SEMA6D: variants seen among roughly 807,000 people sequenced by gnomAD.
The protein encoded by SEMA6D is semaphorin-6D.
A neutral mutation model predicts 106.6 loss-of-function variants in SEMA6D; 35 were observed. The observed-to-expected ratio is 0.33, with a 90% CI of 0.25 to 0.44. SEMA6D has a LOEUF of 0.44. Among genes scored for constraint, SEMA6D ranks in the 20% least tolerant of loss-of-function variants. The probability of loss-of-function intolerance (pLI) is 1.00; values close to 1 mark genes in which losing one functional copy is unlikely to be tolerated. For missense variants in SEMA6D, 1,185 were observed against 1,345.9 expected, an observed-to-expected ratio of 0.88 and a Z score of 1.87; for synonymous variants, 499 against 487.7, an observed-to-expected ratio of 1.02 and a Z score of -0.31.
intron 3 of SEMA6D, among the ~76,000 whole-genome samples, chr15:47,499,212 A>G (rs1045759558): frequency 6.6e-6 from 1 of 152,166 alleles, no homozygotes; most frequent in African/African-American, 2.4e-5. Context: ...GGGATGGAGA[A>G]CAAGACTGAG....
intron 1 of SEMA6D, among the ~76,000 whole-genome samples, chr15:47,253,836 G>A (rs537117390): frequency 5.3e-5 from 8 of 152,194 alleles, no homozygotes; most frequent in Non-Finnish European, 1.2e-4. Context: ...GCTATCCGAG[G>A]TCTTTTGTGC....
At chr15:47,570,223 C>T (rs2046345826) in intron 3 of SEMA6D, among the ~76,000 whole-genome samples, 2 of 152,160 alleles carry the variant, frequency 1.3e-5, no homozygotes, top group African/African-American at 2.4e-5. Flanking sequence ...TCTGACTGCC[C>T]CAGCAATCTT....
At chr15:47,632,203 G>A (rs2077305218) in intron 4 of SEMA6D, among the ~76,000 whole-genome samples, 1 of 151,922 alleles carries the variant, frequency 6.6e-6, no homozygotes, top group African/African-American at 2.4e-5. Flanking sequence ...AAATTGTTGA[G>A]GTTTATTTTA....
chr15:47,708,874 C>A (rs565433349), intron 4 of SEMA6D, among the ~76,000 whole-genome samples: 8 of 152,326 alleles, frequency 5.3e-5, no homozygotes, highest in African/African-American at 1.9e-4. Flanking sequence ...TTATAGTAAG[C>A]AAATTTCCCA....
intron 1 of SEMA6D, among the ~76,000 whole-genome samples, chr15:47,257,090 C>T (rs1486882981): frequency 6.8e-5 from 10 of 147,326 alleles, no homozygotes; most frequent in African/African-American, 2.0e-4. Context: ...CAGAGTCTCG[C>T]TCTGTTGCCC....
At chr15:47,696,030 T>C (rs768931918) in intron 4 of SEMA6D, among the ~76,000 whole-genome samples, 10 of 152,176 alleles carry the variant, frequency 6.6e-5, no homozygotes, top group Non-Finnish European at 1.3e-4. Flanking sequence ...CGTTTAATTC[T>C]CTCCTTTATC....
chr15:47,200,018 C>G (rs545049259), intron 1 of SEMA6D, among the ~76,000 whole-genome samples: 1 of 152,236 alleles, frequency 6.6e-6, no homozygotes, highest in Non-Finnish European at 1.5e-5. Context: ...TGCGGTAGAA[C>G]TGAGGTCATC....
intron 1 of SEMA6D, among the ~76,000 whole-genome samples, chr15:47,216,092 G>A (rs1020518789): frequency 6.6e-6 from 1 of 152,118 alleles, no homozygotes; most frequent in Non-Finnish European, 1.5e-5. Context: ...AGAGGCAACT[G>A]ATACTATTGA....
At chr15:47,301,737 G>C (rs946608390) in intron 1 of SEMA6D, among the ~76,000 whole-genome samples, 3 of 152,232 alleles carry the variant, frequency 2.0e-5, no homozygotes, top group African/African-American at 4.8e-5. Flanking sequence ...GGGAGGAAAC[G>C]AGACGGGCAG....
intron 1 of SEMA6D, among the ~76,000 whole-genome samples, chr15:47,369,674 G>A (rs1240078232): frequency 6.6e-6 from 1 of 152,194 alleles, no homozygotes; most frequent in Non-Finnish European, 1.5e-5. Context: ...CATTAGAATT[G>A]TGTTGGATTA....
At chr15:47,687,608 C>A (rs1402774547) in intron 4 of SEMA6D, among the ~76,000 whole-genome samples, 2 of 152,118 alleles carry the variant, frequency 1.3e-5, no homozygotes, top group Non-Finnish European at 2.9e-5. Context: ...GCCCACTGAG[C>A]AGTTCAAGCG....
intron 2 of SEMA6D, among the ~76,000 whole-genome samples, chr15:47,444,477 G>A (rs375750508): frequency 3.0e-5 from 3 of 99,252 alleles, no homozygotes; most frequent in South Asian, 5.1e-4. Flanking sequence ...AAGGATGAAG[G>A]CTGCTTTGCT....
chr15:47,528,441 A>T (rs561641834), intron 3 of SEMA6D, among the ~76,000 whole-genome samples: 1 of 152,174 alleles, frequency 6.6e-6, no homozygotes, highest in Non-Finnish European at 1.5e-5. Context: ...AAAACAGGCA[A>T]GTTGGTCTGC....
At chr15:47,310,142 G>A (rs999747489) in intron 1 of SEMA6D, among the ~76,000 whole-genome samples, 1 of 152,160 alleles carries the variant, frequency 6.6e-6, no homozygotes, top group Admixed American at 6.5e-5. Flanking sequence ...TGTGGCAGGT[G>A]GAAAAGATAG....
chr15:47,601,255 C>T (rs2076652067), intron 4 of SEMA6D, among the ~76,000 whole-genome samples: 1 of 152,110 alleles, frequency 6.6e-6, no homozygotes, highest in Admixed American at 6.6e-5. Context: ...CCTTGCACCT[C>T]TCCAAAGCCT....
At chr15:47,282,486 A>T (rs2035171392) in intron 1 of SEMA6D, among the ~76,000 whole-genome samples, 1 of 152,170 alleles carries the variant, frequency 6.6e-6, no homozygotes, top group Admixed American at 6.6e-5. Context: ...GGTAATTTTT[A>T]GGTGCCTACT....
At chr15:47,285,598 T>G (rs2035327339) in intron 1 of SEMA6D, among the ~76,000 whole-genome samples, 1 of 152,182 alleles carries the variant, frequency 6.6e-6, no homozygotes, top group East Asian at 1.9e-4. Context: ...GCTATTGCAT[T>G]TTTTTGAATA....
chr15:47,199,638 T>C (rs1894586905), intron 1 of SEMA6D, among the ~76,000 whole-genome samples: 1 of 152,184 alleles, frequency 6.6e-6, no homozygotes, highest in African/African-American at 2.4e-5. Flanking sequence ...GCTAGAAATT[T>C]ATTTATTCCA....
chr15:47,591,066 G>T (rs1255646791), intron 3 of SEMA6D, among the ~76,000 whole-genome samples: 2 of 152,184 alleles, frequency 1.3e-5, no homozygotes, highest in Non-Finnish European at 2.9e-5. Flanking sequence ...ATTTCTCACA[G>T]TTGTAGATGT....
Sources: allele counts gnomAD v4.1 joint callset (sites outside exome capture counted in the v4.1 genomes callset), GRCh38; gene constraint gnomAD v4.1.1; transcripts MANE v1.5; gene names NCBI Gene and HGNC (gene_info 2026-07-23, HGNC 2026-07-21).